CACNA2D3: variants seen among roughly 807,000 people sequenced by gnomAD.
The protein encoded by CACNA2D3 is calcium voltage-gated channel auxiliary subunit alpha2delta 3.
In CACNA2D3, 60 loss-of-function variants were observed where a neutral mutation model predicts 160.6. That is an observed-to-expected ratio of 0.37 (90% CI 0.30 to 0.46). CACNA2D3 has a LOEUF of 0.46. Among genes scored for constraint, CACNA2D3 ranks in the 20% least tolerant of loss-of-function variants. The pLI is 1.00. For synonymous variants in CACNA2D3, 558 were observed against 492.9 expected (o/e 1.13, Z -1.75); for missense variants, 1,205 against 1,365.0 (o/e 0.88, Z 1.85).
chr3:54,943,789 A>G (rs1179294056), intron 27 of CACNA2D3, among the ~76,000 whole-genome samples: 1 of 152,064 alleles, frequency 6.6e-6, no homozygotes, highest in Admixed American at 6.6e-5. Flanking sequence ...ATAGCTCTCT[A>G]GGTTTGCTGG....
chr3:54,509,308 TG>T (rs1559500709), intron 5 of CACNA2D3, among the ~76,000 whole-genome samples: 3 of 151,950 alleles, frequency 2.0e-5, no homozygotes, highest in African/African-American at 7.3e-5. Flanking sequence ...TGTGTGTGTG[TG>T]TGTTTGAGAG....
chr3:54,384,378 A>C (rs1253141226), intron 3 of CACNA2D3, among the ~76,000 whole-genome samples: 1 of 152,234 alleles, frequency 6.6e-6, no homozygotes, highest in Non-Finnish European at 1.5e-5. Flanking sequence ...TTCATGATAC[A>C]TGCACAGAAA....
At chr3:54,976,793 T>A (rs546123851) in intron 29 of CACNA2D3, among the ~76,000 whole-genome samples, 1 of 152,286 alleles carries the variant, frequency 6.6e-6, no homozygotes. Context: ...CTCAGCTCTG[T>A]TCCTTCCACA....
intron 27 of CACNA2D3, among the ~76,000 whole-genome samples, chr3:54,914,818 A>G (rs1268941079): frequency 3.9e-5 from 6 of 152,218 alleles, no homozygotes; most frequent in Admixed American, 3.3e-4. Flanking sequence ...GGTTTCTGTC[A>G]ATAGCATTTA....
intron 29 of CACNA2D3, among the ~76,000 whole-genome samples, chr3:54,971,848 C>T (rs1702280565): frequency 1.3e-5 from 2 of 152,158 alleles, no homozygotes; most frequent in South Asian, 4.1e-4. Flanking sequence ...GGGCAAGTTT[C>T]CAAATCTTTC....
At chr3:54,635,167 A>G (rs1220746886) in intron 10 of CACNA2D3, among the ~76,000 whole-genome samples, 1 of 151,746 alleles carries the variant, frequency 6.6e-6, no homozygotes, top group African/African-American at 2.4e-5. Context: ...GTATAGAATG[A>G]TTGGTGATGG....
chr3:54,232,853 C>T (rs898837650), intron 2 of CACNA2D3, among the ~76,000 whole-genome samples: 3 of 152,172 alleles, frequency 2.0e-5, no homozygotes, highest in East Asian at 1.9e-4. Flanking sequence ...CAAAGTGTCA[C>T]GCCCATCAAT....
intron 21 of CACNA2D3, among the ~76,000 whole-genome samples, chr3:54,883,524 T>A (rs1699850858): frequency 6.6e-6 from 1 of 152,174 alleles, no homozygotes; most frequent in Admixed American, 6.5e-5. Flanking sequence ...ATCTTCCCGA[T>A]AGATCTCATC....
chr3:54,517,950 C>T (rs772491562), intron 5 of CACNA2D3, among the ~76,000 whole-genome samples: 8 of 152,192 alleles, frequency 5.3e-5, no homozygotes, highest in Non-Finnish European at 1.0e-4. Flanking sequence ...AGCCATCTAC[C>T]TCAGCTTTGC....
At chr3:54,464,429 A>T (rs1700572984) in intron 4 of CACNA2D3, among the ~76,000 whole-genome samples, 1 of 152,202 alleles carries the variant, frequency 6.6e-6, no homozygotes, top group African/African-American at 2.4e-5. Context: ...GGCTCCACCC[A>T]GTTCGAGCTT....
chr3:54,164,253 C>G (rs1700406128), intron 2 of CACNA2D3, among the ~76,000 whole-genome samples: 1 of 152,180 alleles, frequency 6.6e-6, no homozygotes, highest in Non-Finnish European at 1.5e-5. Context: ...TGCACGTACC[C>G]CCTCTCCCCA....
At chr3:54,155,657 A>T (rs1023314250) in intron 2 of CACNA2D3, among the ~76,000 whole-genome samples, 1 of 152,204 alleles carries the variant, frequency 6.6e-6, no homozygotes, top group African/African-American at 2.4e-5. Context: ...ACAAGTTATA[A>T]AGAGGAAAAC....
chr3:54,378,610 C>T (rs756973120), intron 3 of CACNA2D3, among the ~76,000 whole-genome samples: 10 of 152,152 alleles, frequency 6.6e-5, no homozygotes, highest in South Asian at 4.1e-4. Flanking sequence ...AAGGGTCCTG[C>T]GGGGACTTTT....
intron 18 of CACNA2D3, among the ~76,000 whole-genome samples, chr3:54,874,301 G>A (rs1241162774): frequency 1.3e-5 from 2 of 152,184 alleles, no homozygotes; most frequent in Non-Finnish European, 2.9e-5. Flanking sequence ...ACAATAAGTA[G>A]GGCAGATCTT....
Position 54,841,269 on chromosome 3 carries a change from A to G in CACNA2D3, c.1551+2621A>G, listed in dbSNP as rs1698815075. Among the ~76,000 whole-genome samples the G allele has an allele frequency of 2.0e-5, 3 of 152,216 alleles. No individual in the cohort carries two copies. The South Asian group carries it at 6.2e-4, about 32-fold the overall frequency. On this transcript the variant is annotated intron_variant, in intron 16 of 37. Coordinates refer to ENST00000474759, the MANE Select transcript of CACNA2D3 (RefSeq NM_018398.3). ...ATTTTTACTTAAGGATGCTTGAAAT[A>G]ACTTTCTCAACATCATTCTGCTAGT... is the stretch of plus-strand genomic sequence containing the variant.
At chr3:54,344,430 A>G (rs190418867) in intron 3 of CACNA2D3, among the ~76,000 whole-genome samples, 1 of 152,344 alleles carries the variant, frequency 6.6e-6, no homozygotes, top group Admixed American at 6.5e-5. Flanking sequence ...ATTGCTTTCT[A>G]ACATGTCCTT....
intron 5 of CACNA2D3, among the ~76,000 whole-genome samples, chr3:54,554,827 C>G (rs908743796): frequency 4.7e-5 from 7 of 150,154 alleles, no homozygotes; most frequent in Non-Finnish European, 1.0e-4. Flanking sequence ...TTGGAAGCCC[C>G]TCTTGAGACT....
chr3:54,859,046 T>C (rs1444426342), intron 17 of CACNA2D3, among the ~76,000 whole-genome samples: 1 of 152,234 alleles, frequency 6.6e-6, no homozygotes, highest in Non-Finnish European at 1.5e-5. Context: ...TTGTTGGTAA[T>C]GTGTGGAGTT....
intron 2 of CACNA2D3, among the ~76,000 whole-genome samples, chr3:54,216,673 TC>T (rs1220267262): frequency 6.6e-6 from 1 of 152,244 alleles, no homozygotes; most frequent in Admixed American, 6.5e-5. Flanking sequence ...CTTTTTACCA[TC>T]AGTGATTTAA....
Sources: gnomAD v4.1 joint callset for allele counts (sites outside exome capture counted in the v4.1 genomes callset) on GRCh38, gnomAD v4.1.1 for gene constraint, MANE v1.5 for transcripts, NCBI Gene and HGNC (gene_info 2026-07-23, HGNC 2026-07-21) for gene names.